NISCH: variants seen among roughly 807,000 people sequenced by gnomAD.
NISCH encodes nischarin.
In NISCH, 55 loss-of-function variants were observed where a neutral mutation model predicts 138.4. The ratio of observed to expected loss-of-function variants is 0.40; its 90% CI spans 0.32 to 0.50. The LOEUF is 0.50. Ranked by LOEUF, NISCH falls within the 20% of genes least tolerant of loss-of-function variation. The pLI is 0.71. For synonymous variants in NISCH, 860 were observed against 861.5 expected, an observed-to-expected ratio of 1.00 and a Z score of 0.03; for missense variants, 1,643 against 2,005.5, an observed-to-expected ratio of 0.82 and a Z score of 3.45.
rs1359888083 is a variant in NISCH, at chr3:52,491,474, G to C, written c.3865G>C (p.Asp1289His). Residue 1289 changes from aspartate to histidine, a missense_variant, in exon 20 of 21, where the codon GAC becomes CAC. Transcript: ENST00000345716. ...ACGCACGCCCTCGCCGGAGCCTGTT[G>C]ACAAGGACTTCTACTCCGAGTTTGG... Reference protein sequence around the residue: ...LERTPSPEPVDKDFYSEFGNK... With the variant: ...LERTPSPEPVHKDFYSEFGNK... 6.2e-7 allele frequency: 1 copy of C among 1,613,408 alleles called. No homozygotes were observed. The highest frequency in any genetic ancestry group is 8.5e-7 in the Non-Finnish European group (1 of 1,179,924).
chr3:52,487,094 G>A lies in NISCH; in HGVS notation c.1704-102G>A. 3 of 1,381,740 alleles carry A rather than the reference G, an allele frequency of 2.2e-6. No individual in the cohort carries two copies. Among genetic ancestry groups the A allele is most frequent in the Non-Finnish European group, 2.0e-6 (2 of 1,019,754 alleles). 85.6% of individuals were successfully genotyped at this position (1,381,740 alleles called of 1,614,324 possible). ...GGAGGCTTGGGAGACCCATGGGTTGGTTTCTCAGGGTCAGGGTGTAGCAGT... is the reference window on the plus strand; with the variant it reads ...GGAGGCTTGGGAGACCCATGGGTTGATTTCTCAGGGTCAGGGTGTAGCAGT... On this transcript the variant is annotated intron_variant, in intron 15 of 20. Coordinates refer to ENST00000345716, the MANE Select transcript of NISCH (RefSeq NM_007184.4). The surrounding 1 kb of genome is among the most constrained non-coding windows in gnomAD (Gnocchi z 9.1).
At chr3:52,460,164 G>C in intron 3 of NISCH, among the ~76,000 whole-genome samples, 1 of 108,934 alleles carries the variant, frequency 9.2e-6, no homozygotes, top group Non-Finnish European at 1.7e-5. Context: ...CTGGGCAACA[G>C]AGTGAGAGTA....
chr3:52,484,172 CTT>C (rs1707348464), intron 13 of NISCH: 2 of 228,612 alleles, frequency 8.7e-6, no homozygotes, highest in Non-Finnish European at 1.7e-5. Flanking sequence ...ATTGCAAACA[CTT>C]TTCTCATTTC....
At chr3:52,476,360 C>T in intron 7 of NISCH, 87 bp from the exon 8 acceptor site, 1 of 1,463,186 alleles carries the variant, frequency 6.8e-7, no homozygotes, top group Non-Finnish European at 9.5e-7. Context: ...TGCTCCAGCC[C>T]TTCCTTAAAT....
chr3:52,487,475 C>T lies in NISCH; in HGVS notation c.1983C>T (p.Asp661=), dbSNP rs745468106. The stretch of plus-strand genomic sequence containing the variant: ...GCTACTTTGAAATGGGGCCCCCAGA[C>T]GTGGAGGAGGAGGAGGGAGGAGGCC... ...ENRYFEMGPP[D]VEEEEGGGQG... Residue 661 remains aspartate, a synonymous_variant, in exon 16 of 21, where the codon GAC becomes GAT. Coordinates refer to ENST00000345716, the MANE Select transcript of NISCH (RefSeq NM_007184.4). The surrounding 1 kb of genome is among the most constrained non-coding windows in gnomAD (Gnocchi z 9.1). The T allele has an allele frequency of 6.9e-6, 11 of 1,599,370 alleles. No individual in the cohort carries two copies. The highest frequency in any genetic ancestry group is 6.7e-5 in the African/African-American group (5 of 74,322).
chr3:52,489,105 C>G (rs374230384), intron 16 of NISCH, among the ~76,000 whole-genome samples: 102 of 152,322 alleles, frequency 6.7e-4, no homozygotes, highest in Non-Finnish European at 2.8e-4. Flanking sequence ...TGGTCTCAAA[C>G]TTTGGGCTCA....
Position 52,492,768 on chromosome 3 carries a change from A to G in NISCH, c.*286A>G, listed in dbSNP as rs190345415. 185 of 451,710 alleles carry G rather than the reference A, an allele frequency of 4.1e-4. No individual in the cohort carries two copies. Among genetic ancestry groups the G allele is most frequent in the African/African-American group, 3.4e-3 (175 of 51,448 alleles). 28.0% of individuals were successfully genotyped at this position (451,710 alleles called of 1,614,324 possible). ...TGTGGGACCGTTGTTAACACGTGAC[A>G]CTGTGGGTCTGACTTTCTCTTCTAC... On this transcript the variant is annotated 3_prime_UTR_variant, in exon 21 of 21. Coordinates refer to ENST00000345716, the MANE Select transcript of NISCH (RefSeq NM_007184.4).
At chr3:52,475,303 A>G (rs1218910000) in intron 7 of NISCH, among the ~76,000 whole-genome samples, 1 of 152,206 alleles carries the variant, frequency 6.6e-6, no homozygotes, top group Non-Finnish European at 1.5e-5. Flanking sequence ...GTCTTGCTGA[A>G]GGAGCCCAGG....
Position 52,480,227 on chromosome 3 carries a change from C to G in NISCH, c.1460C>G (p.Pro487Arg), listed in dbSNP as rs780331392. 5.6e-6 allele frequency: 9 copies of G among 1,613,994 alleles called. 1 individual carries two copies. In the East Asian group the frequency reaches 8.9e-5, roughly 16 times the overall value. Residue 487 changes from proline to arginine, a missense_variant, in exon 13 of 21, where the codon CCC becomes CGC. By Grantham distance (103) the Pro-to-Arg change is moderately radical (BLOSUM62 -2). Coordinates refer to ENST00000345716, the MANE Select transcript of NISCH (RefSeq NM_007184.4). Reference sequence around the variant, plus strand: ...CTCTCAGCTGCCCCCTGCATCAGACCCAGCAGCTCCCCTCCCACTGTGGCT... The same window carrying G: ...CTCTCAGCTGCCCCCTGCATCAGACGCAGCAGCTCCCCTCCCACTGTGGCT... ...SRLSAAPCIR[P>R]SSSPPTVAPA...
chr3:52,474,445 C>T (rs995472094), intron 7 of NISCH, among the ~76,000 whole-genome samples: 19 of 152,076 alleles, frequency 1.2e-4, no homozygotes, highest in Middle Eastern at 3.4e-3. Context: ...TACAGGTGCC[C>T]GCCACCACAC....
At chr3:52,474,411 C>G (rs1396517859) in intron 7 of NISCH, among the ~76,000 whole-genome samples, 2 of 152,186 alleles carry the variant, frequency 1.3e-5, no homozygotes, top group Non-Finnish European at 1.5e-5. Flanking sequence ...ATTCTCCTGC[C>G]TCAGCCTCCC....
chr3:52,473,731 C>T lies in NISCH; in HGVS notation c.670-3C>T, dbSNP rs1415601739. 1 of 1,580,436 alleles carries T rather than the reference C, an allele frequency of 6.3e-7. No individual in the cohort carries two copies. The highest frequency in any genetic ancestry group is 2.3e-5 in the East Asian group (1 of 43,990). ...TCTGAGATGCAGCTGTTCTTTGTTC[C>T]AGATAAGTCACTGTGATGCTAAGCA... On this transcript the variant is annotated splice_region_variant and splice_polypyrimidine_tract_variant and intron_variant, in intron 6 of 20. Coordinates refer to ENST00000345716, the MANE Select transcript of NISCH (RefSeq NM_007184.4).
At chr3:52,455,792 C>A in intron 1 of NISCH, 58 bp downstream of exon 1, 1 of 1,237,528 alleles carries the variant, frequency 8.1e-7, no homozygotes, top group Non-Finnish European at 1.0e-6. Context: ...GGGAGTCCGA[C>A]TCGGGGGCTT....
intron 13 of NISCH, chr3:52,482,025 C>G: frequency 8.3e-6 from 5 of 605,842 alleles, no homozygotes; most frequent in Non-Finnish European, 1.0e-5. Flanking sequence ...CTTGTTTGTA[C>G]AGGCCACGGT....
At position 52,470,833 on chromosome 3, in the gene NISCH, A is replaced by G. The variant is rs766219357; in HGVS notation, c.361-26A>G. On this transcript the variant is annotated intron_variant, in intron 3 of 20. Coordinates refer to ENST00000345716, the MANE Select transcript of NISCH (RefSeq NM_007184.4). ...GGGACTGGGGTCAGGTGGACTTTCTAAGGGCAAATTTTGTGTTCTCTGCAG... is the reference window on the plus strand; with the variant it reads ...GGGACTGGGGTCAGGTGGACTTTCTGAGGGCAAATTTTGTGTTCTCTGCAG... 5.0e-6 allele frequency: 8 copies of G among 1,613,318 alleles called. No individual in the cohort carries two copies. In the South Asian group the frequency reaches 6.6e-5, roughly 13 times the overall value.
At chr3:52,486,609 C>T (rs1707408228) in intron 15 of NISCH, 1 of 152,434 alleles carries the variant, frequency 6.6e-6, no homozygotes, top group Admixed American at 6.5e-5. Flanking sequence ...AGGATTTCGC[C>T]ATGTTGGACA....
At chr3:52,484,462 T>TTGGCGCCC in intron 13 of NISCH, 51 bp from the exon 14 acceptor site, 13 of 788,668 alleles carry the variant, frequency 1.6e-5, no homozygotes, top group Non-Finnish European at 2.0e-5. Context: ...ACAGCCGCTC[T>TTGGCGCCC]CCCCGCCCCA....
chr3:52,466,911 G>C (rs1706795972), intron 3 of NISCH, among the ~76,000 whole-genome samples: 1 of 152,146 alleles, frequency 6.6e-6, no homozygotes, highest in African/African-American at 2.4e-5. Flanking sequence ...GTGGTGGGCA[G>C]GTGGTGCGGC....
At position 52,487,430 on chromosome 3, in the gene NISCH, G is replaced by A. The variant is rs1312853178; in HGVS notation, c.1938G>A (p.Glu646=). 6.2e-7 allele frequency: 1 copy of A among 1,610,968 alleles called. No homozygotes were observed. Among genetic ancestry groups the A allele is most frequent in the Non-Finnish European group, 8.5e-7 (1 of 1,177,546 alleles). ...GEEEDEEEEE[E]EDVAENRYFE... The stretch of plus-strand genomic sequence containing the variant: ...AGGAGGATGAGGAGGAGGAAGAAGA[G>A]GAGGACGTGGCTGAGAACCGCTACT... Residue 646 remains glutamate, a synonymous_variant, in exon 16 of 21, where the codon GAG becomes GAA. Coordinates refer to ENST00000345716, the MANE Select transcript of NISCH (RefSeq NM_007184.4). This position sits in a 1 kb window ranked among gnomAD's most constrained non-coding sequence, Gnocchi z 9.1.
Sources: allele counts gnomAD v4.1 joint callset (sites outside exome capture counted in the v4.1 genomes callset), GRCh38; gene constraint gnomAD v4.1.1; non-coding constraint Gnocchi (gnomAD v3.1); transcripts MANE v1.5; gene names NCBI Gene and HGNC (gene_info 2026-07-23, HGNC 2026-07-21).